PRIM2: variants seen among roughly 807,000 people sequenced by gnomAD.
PRIM2 encodes DNA primase large subunit.
A neutral mutation model predicts 67.3 loss-of-function variants in PRIM2; 39 were observed. The observed-to-expected ratio is 0.58, with a 90% confidence interval of 0.45 to 0.76. The LOEUF is 0.76. Among genes scored for constraint, PRIM2 ranks in the 30% least tolerant of loss-of-function variants. PRIM2 has a pLI of 0.00. For missense variants in PRIM2, 398 were observed against 598.7 expected (o/e 0.66, Z 3.50); for synonymous variants, 143 against 198.7 (o/e 0.72, Z 2.36).
rs537964900 is a variant in PRIM2, at chr6:57,425,300, C to T, written c.693+43132C>T. Among the ~76,000 whole-genome samples, 16 of 152,158 alleles carry T rather than the reference C, an allele frequency of 1.1e-4. No individual in the cohort carries two copies. In the East Asian group the frequency reaches 2.3e-3, roughly 22 times the overall value. On this transcript the variant is annotated intron_variant, in intron 7 of 13. Coordinates refer to ENST00000615550, the MANE Select transcript of PRIM2 (RefSeq NM_000947.5). ...TCGCCCAGGCTGGAGTGCAGTGGCG[C>T]GATCTTGGCTCACTGCAACCTCCAC...
chr6:57,285,672 T>C, the PRIM2 span, among the ~76,000 whole-genome samples: 2 of 151,464 alleles, frequency 1.3e-5, no homozygotes, highest in African/African-American at 4.8e-5. Flanking sequence ...TATCAGACTG[T>C]AAGGGCAAAA....
chr6:57,439,404 G>GT (rs149436085), intron 7 of PRIM2, among the ~76,000 whole-genome samples: 2,523 of 57,050 alleles, frequency 0.044, 732 homozygotes, highest in Non-Finnish European at 0.062. Flanking sequence ...GAGGTACTCT[G>GT]TTTTTTTTTT....
chr6:57,339,397 A>AGTCAATC (rs1328759815), intron 5 of PRIM2, among the ~76,000 whole-genome samples: 4 of 152,136 alleles, frequency 2.6e-5, no homozygotes, highest in African/African-American at 9.7e-5. Context: ...CGCATCGCCA[A>AGTCAATC]GTCAATCCTA....
At chr6:57,379,724 T>C (rs1261992032) in intron 5 of PRIM2, among the ~76,000 whole-genome samples, 177 bp from the exon 6 acceptor site, 1 of 152,202 alleles carries the variant, frequency 6.6e-6, no homozygotes, top group African/African-American at 2.4e-5. Flanking sequence ...GGTTTTTTTC[T>C]GTATTTTGCC....
intron 12 of PRIM2, among the ~76,000 whole-genome samples, chr6:57,608,451 C>T (rs1487752302): frequency 2.2e-4 from 34 of 152,206 alleles, no homozygotes; most frequent in African/African-American, 7.5e-4. Flanking sequence ...ATGTGTCAGG[C>T]CAGGTGCAGT....
At chr6:57,244,009 C>T in the PRIM2 span, among the ~76,000 whole-genome samples, 3 of 152,182 alleles carry the variant, frequency 2.0e-5, no homozygotes, top group African/African-American at 7.2e-5. Flanking sequence ...GCAGCCATAG[C>T]TGGACGAGGA....
At chr6:57,506,499 T>C (rs1774253904) in intron 7 of PRIM2, among the ~76,000 whole-genome samples, 1 of 152,074 alleles carries the variant, frequency 6.6e-6, no homozygotes, top group African/African-American at 2.4e-5. Flanking sequence ...TTAAGGTTCT[T>C]TTTTGTGAAT....
At chr6:57,618,315 A>G (rs1336559941) in intron 12 of PRIM2, among the ~76,000 whole-genome samples, 1 of 152,210 alleles carries the variant, frequency 6.6e-6, no homozygotes, top group African/African-American at 2.4e-5. Context: ...GAATCTGTAG[A>G]TTGTGTATAA....
At chr6:57,504,564 A>G (rs1379377827) in intron 7 of PRIM2, among the ~76,000 whole-genome samples, 1 of 152,158 alleles carries the variant, frequency 6.6e-6, no homozygotes, top group Non-Finnish European at 1.5e-5. Flanking sequence ...GTTATGCCAA[A>G]TTCTATGATG....
intron 5 of PRIM2, among the ~76,000 whole-genome samples, chr6:57,365,949 C>CAAAAAAAA (rs5876544): frequency 8.8e-4 from 55 of 62,488 alleles, no homozygotes; most frequent in Admixed American, 1.8e-3. Flanking sequence ...GACCATATCT[C>CAAAAAAAA]AAAAAAAAAA....
At chr6:57,622,043 T>C (rs1326729033) in intron 12 of PRIM2, among the ~76,000 whole-genome samples, 1 of 152,116 alleles carries the variant, frequency 6.6e-6, no homozygotes, top group Admixed American at 6.6e-5. Context: ...CTCTGCCTCC[T>C]GGGTTCAAGC....
At chr6:57,478,497 T>C (rs1482041361) in intron 7 of PRIM2, among the ~76,000 whole-genome samples, 2 of 151,972 alleles carry the variant, frequency 1.3e-5, no homozygotes, top group East Asian at 3.9e-4. Flanking sequence ...AGAGTCAGAG[T>C]GCCTGGCTGC....
chr6:57,291,568 C>G, the PRIM2 span, among the ~76,000 whole-genome samples: 1 of 152,162 alleles, frequency 6.6e-6, no homozygotes, highest in African/African-American at 2.4e-5. Context: ...GGCCAATATC[C>G]CTGATGAACA....
Position 57,556,580 on chromosome 6 carries a change from C to G in PRIM2, c.1020+18955C>G, listed in dbSNP as rs1212523067. On this transcript the variant is annotated intron_variant, in intron 10 of 13. Coordinates refer to ENST00000615550, the MANE Select transcript of PRIM2 (RefSeq NM_000947.5). Reference sequence around the variant, plus strand: ...AGTAGTGCTGGGATAACTGACTAGCCATATGTAGAAGATTGAAACTGGACC... The same window carrying G: ...AGTAGTGCTGGGATAACTGACTAGCGATATGTAGAAGATTGAAACTGGACC... Among the ~76,000 whole-genome samples the G allele has an allele frequency of 1.4e-3, 211 of 152,232 alleles. 5 individuals carry two copies. The East Asian group carries it at 0.019, about 14-fold the overall frequency.
intron 7 of PRIM2, among the ~76,000 whole-genome samples, chr6:57,442,945 C>G (rs1398620107): frequency 6.6e-6 from 1 of 152,142 alleles, no homozygotes; most frequent in Non-Finnish European, 1.5e-5. Context: ...CTCCCACTCC[C>G]CCAGCCTCTG....
intron 8 of PRIM2, among the ~76,000 whole-genome samples, chr6:57,530,598 G>A (rs1394695314): frequency 6.6e-6 from 1 of 152,110 alleles, no homozygotes; most frequent in Non-Finnish European, 1.5e-5. Flanking sequence ...TTTGGGGGGT[G>A]GCATCTTCTG....
intron 12 of PRIM2, among the ~76,000 whole-genome samples, chr6:57,626,050 C>G (rs1476828016): frequency 5.3e-5 from 8 of 152,352 alleles, no homozygotes; most frequent in African/African-American, 1.9e-4. Context: ...AAGAAGCAAG[C>G]TTGTTATCAC....
intron 10 of PRIM2, among the ~76,000 whole-genome samples, chr6:57,543,127 GA>G (rs1775210197): frequency 6.7e-6 from 1 of 149,228 alleles, no homozygotes; most frequent in South Asian, 2.1e-4. Context: ...TTTTAGTAGA[GA>G]CGGGGTTTCA....
intron 5 of PRIM2, among the ~76,000 whole-genome samples, chr6:57,357,855 A>G (rs1769083334): frequency 6.6e-6 from 1 of 151,914 alleles, no homozygotes; most frequent in East Asian, 1.9e-4. Context: ...TGGCCTCCCA[A>G]AGTGCTGGGG....
Sources: allele counts gnomAD v4.1 joint callset (sites outside exome capture counted in the v4.1 genomes callset), GRCh38; gene constraint gnomAD v4.1.1; transcripts MANE v1.5; gene names NCBI Gene and HGNC (gene_info 2026-07-23, HGNC 2026-07-21).